The following LHPP variants were observed in gnomAD, a reference collection of about 807,000 sequenced individuals.
LHPP encodes the protein phospholysine phosphohistidine inorganic pyrophosphate phosphatase, also known as hLHPP.
A neutral mutation model predicts 30.3 loss-of-function variants in LHPP; 24 were observed. The observed-to-expected ratio is 0.79, with a 90% CI of 0.57 to 1.11. The LOEUF (loss-of-function observed/expected upper bound fraction) is 1.11, where lower values mean the gene tolerates loss of function less well. Among genes scored for constraint, LHPP ranks in the 50% most tolerant of loss-of-function variants. The pLI is 0.00. For synonymous variants in LHPP, 150 were observed against 157.1 expected (o/e 0.95, Z 0.34); for missense variants, 356 against 367.2 (o/e 0.97, Z 0.25).
chr10:124,607,969 C>G (rs548877726), intron 6 of LHPP, among the ~76,000 whole-genome samples: 51 of 152,304 alleles, frequency 3.3e-4, no homozygotes, highest in African/African-American at 1.1e-3. Flanking sequence ...CCTGGCAGGG[C>G]TGATGCAGGC....
At chr10:124,531,603 G>A (rs907447220) in intron 6 of LHPP, among the ~76,000 whole-genome samples, 2 of 152,208 alleles carry the variant, frequency 1.3e-5, no homozygotes, top group African/African-American at 4.8e-5. Flanking sequence ...AAGATTACGA[G>A]ACAGTCATTT....
intron 6 of LHPP, among the ~76,000 whole-genome samples, chr10:124,605,821 C>A (rs1245822262): frequency 2.0e-5 from 1 of 49,970 alleles, no homozygotes; most frequent in Non-Finnish European, 3.7e-5. Context: ...GAGAGGGGGC[C>A]AGGCAGGAGG....
At chr10:124,553,092 T>C (rs190186534) in intron 6 of LHPP, among the ~76,000 whole-genome samples, 205 of 152,352 alleles carry the variant, frequency 1.3e-3, no homozygotes, top group African/African-American at 4.7e-3. Flanking sequence ...GGGACCTCGA[T>C]GTTGGGAGGG....
rs1477484893 is a variant in LHPP at position 124,484,203 on chromosome 10, C to A, written c.190C>A (p.Leu64Met). The A allele has an allele frequency of 3.1e-6, 5 of 1,613,984 alleles. No homozygotes were observed. The East Asian group carries it at 1.1e-4, about 36-fold the overall frequency. Residue 64 changes from leucine (L) to methionine (M), a missense_variant, in exon 2 of 7, where the codon CTG becomes ATG. By Grantham distance (15) the Leu-to-Met change is conservative. Transcript: ENST00000368842. ...TNESQKSRAELVGQLQRLGFD... is the reference protein window; with the variant it reads ...TNESQKSRAEMVGQLQRLGFD... ...CGAGTCGCAGAAGTCCCGGGCAGAG[C>A]TGGTGGGGCAGCTTCAGAGGCTGGG...
chr10:124,476,821 G>A (rs991310577), intron 1 of LHPP, among the ~76,000 whole-genome samples: 2 of 152,224 alleles, frequency 1.3e-5, no homozygotes, highest in South Asian at 2.1e-4. Flanking sequence ...CTCCAAACAT[G>A]CGTGTTCAAT....
chr10:124,567,130 C>T (rs1948504530), intron 6 of LHPP, among the ~76,000 whole-genome samples: 1 of 152,258 alleles, frequency 6.6e-6, no homozygotes, highest in African/African-American at 2.4e-5. Flanking sequence ...GAGACGGGCT[C>T]TTGCCCTTGC....
At chr10:124,550,647 T>C (rs1948144394) in intron 6 of LHPP, among the ~76,000 whole-genome samples, 1 of 152,152 alleles carries the variant, frequency 6.6e-6, no homozygotes, top group Non-Finnish European at 1.5e-5. Context: ...TACAAATGTG[T>C]GCACACAGGC....
At chr10:124,481,892 CCA>C (rs1721820447) in intron 1 of LHPP, among the ~76,000 whole-genome samples, 1 of 152,216 alleles carries the variant, frequency 6.6e-6, no homozygotes, top group African/African-American at 2.4e-5. Context: ...GCCTGAATCC[CCA>C]GTCTTTTAAG....
At position 124,517,345 on chromosome 10, in the gene LHPP, C is replaced by T. The variant is rs1174131518; in HGVS notation, c.716+74C>T. On this transcript the variant is annotated intron_variant, in intron 6 of 6. Transcript: ENST00000368842. The surrounding 1 kb of genome is among the most constrained non-coding windows in gnomAD (Gnocchi z 4.1). ...CACATTCTCATTCTGTTTTGTTCTT[C>T]AAAATAAAGGGGATATTCTTTCCAA... The T allele has an allele frequency of 1.1e-5, 11 of 969,738 alleles. No individual in the cohort carries two copies. Among genetic ancestry groups the T allele is most frequent in the Non-Finnish European group, 1.6e-5 (11 of 668,660 alleles). 60.1% of individuals were successfully genotyped at this position (969,738 alleles called of 1,614,324 possible).
At chr10:124,506,507 G>A in intron 5 of LHPP, among the ~76,000 whole-genome samples, 1 of 151,558 alleles carries the variant, frequency 6.6e-6, no homozygotes, top group Non-Finnish European at 1.5e-5. Flanking sequence ...GAGAACTCTA[G>A]TACTGAACCC....
intron 1 of LHPP, among the ~76,000 whole-genome samples, chr10:124,463,730 A>G (rs1179067586): frequency 6.8e-6 from 1 of 147,904 alleles, no homozygotes; most frequent in Non-Finnish European, 1.5e-5. Flanking sequence ...GTGGTCTTGA[A>G]CTCCTTGGCT....
At chr10:124,604,074 GC>G (rs1949062591) in intron 6 of LHPP, among the ~76,000 whole-genome samples, 1 of 152,224 alleles carries the variant, frequency 6.6e-6, no homozygotes, top group Non-Finnish European at 1.5e-5. Flanking sequence ...TTGGCTGGAT[GC>G]ACAGGCTCCA....
chr10:124,512,061 C>T (rs1433890091), intron 5 of LHPP, among the ~76,000 whole-genome samples: 1 of 152,170 alleles, frequency 6.6e-6, no homozygotes, highest in Non-Finnish European at 1.5e-5. Flanking sequence ...TGTGTTATCC[C>T]AGGCCCTGAT....
At chr10:124,544,338 A>G (rs1242206752) in intron 6 of LHPP, among the ~76,000 whole-genome samples, 2 of 152,178 alleles carry the variant, frequency 1.3e-5, no homozygotes, top group African/African-American at 2.4e-5. Flanking sequence ...CAGAATGAAT[A>G]TTCCTTGGCT....
At chr10:124,600,778 G>A (rs1398749066) in intron 6 of LHPP, among the ~76,000 whole-genome samples, 1 of 152,244 alleles carries the variant, frequency 6.6e-6, no homozygotes, top group Non-Finnish European at 1.5e-5. Flanking sequence ...GGAGGGCCGA[G>A]GCTCACAGGA....
rs553196093 is a variant in LHPP at position 124,546,625 on chromosome 10, T to C, written c.716+29354T>C. Among the ~76,000 whole-genome samples, 7 of 152,178 alleles carry C rather than the reference T, an allele frequency of 4.6e-5. No individual in the cohort carries two copies. In the South Asian group the frequency reaches 8.3e-4, roughly 18 times the overall value. ...TGGGGTTTCACCATGTTAGCCAGGA[T>C]GGTCTTGATCTCCTGACCTCATGAT... is the stretch of plus-strand genomic sequence containing the variant. On this transcript the variant is annotated intron_variant, in intron 6 of 6. Transcript: ENST00000368842.
intron 6 of LHPP, among the ~76,000 whole-genome samples, chr10:124,573,293 A>G (rs1429467563): frequency 6.6e-6 from 1 of 152,210 alleles, no homozygotes; most frequent in Non-Finnish European, 1.5e-5. Flanking sequence ...TGGTACCCAC[A>G]CTATTCATGA....
chr10:124,490,314 A>C (rs1473027028), intron 3 of LHPP: 1 of 238,222 alleles, frequency 4.2e-6, no homozygotes, highest in African/African-American at 2.3e-5. Context: ...GGTAGCAGAC[A>C]CGCTCTCCAG....
intron 6 of LHPP, among the ~76,000 whole-genome samples, chr10:124,578,351 C>T (rs1948696202): frequency 6.6e-6 from 1 of 152,212 alleles, no homozygotes; most frequent in East Asian, 1.9e-4. Context: ...AGCCACAGGG[C>T]CACAGGCATG....
Sources: gnomAD v4.1 joint callset for allele counts (sites outside exome capture counted in the v4.1 genomes callset) on GRCh38, gnomAD v4.1.1 for gene constraint, Gnocchi (gnomAD v3.1) non-coding constraint, MANE v1.5 for transcripts, NCBI Gene and HGNC (gene_info 2026-07-23, HGNC 2026-07-21) for gene names.